The following NMT2 variants were observed in gnomAD, a reference collection of about 807,000 sequenced individuals.
The protein encoded by NMT2 is N-myristoyltransferase 2, also known as glycylpeptide N-tetradecanoyltransferase 2.
In NMT2, 35 loss-of-function variants were observed where a neutral mutation model predicts 65.4. The ratio of observed to expected loss-of-function variants is 0.54; its 90% CI spans 0.41 to 0.71. The LOEUF is 0.71. Ranked by LOEUF, NMT2 falls within the 30% of genes least tolerant of loss-of-function variation. NMT2 has a pLI of 0.00. For missense variants in NMT2, 489 were observed against 611.3 expected (o/e 0.80, Z 2.11); for synonymous variants, 226 against 231.8 (o/e 0.98, Z 0.23).
At chr10:15,157,886 A>T (rs764704650) in intron 1 of NMT2, among the ~76,000 whole-genome samples, 1 of 152,218 alleles carries the variant, frequency 6.6e-6, no homozygotes, top group Non-Finnish European at 1.5e-5. Flanking sequence ...AAGAGACTGT[A>T]GTTTAGTGAA....
chr10:15,133,125 A>T lies in NMT2; in HGVS notation c.530T>A (p.Leu177Ter), dbSNP rs1846343191. 3.7e-6 allele frequency: 6 copies of T among 1,613,666 alleles called. No individual in the cohort carries two copies. Among genetic ancestry groups the T allele is most frequent in the Non-Finnish European group, 5.1e-6 (6 of 1,179,524 alleles). ...DAEVLKELYT[L>*]LNENYVEDDD... ...ATCTTCTACGTAATTCTCATTTAAC[A>T]ACGTGTATAACTCCTTGAGCTATAA... The change falls in exon 5 of 12, where the codon TTG becomes TAG. Residue 177 changes from leucine to a stop codon, truncating the protein, a stop_gained. Coordinates refer to ENST00000378165, the MANE Select transcript of NMT2 (RefSeq NM_004808.3). LOFTEE classifies it high-confidence loss of function.
Position 15,106,012 on chromosome 10 carries a change from C to A in NMT2, c.*3183G>T. Reference sequence around the variant, plus strand: ...ATGCTGCAGTTATTTATTTTACTTTCGAGATAGAGTCTCACTCTGTTGCCC... The same window carrying A: ...ATGCTGCAGTTATTTATTTTACTTTAGAGATAGAGTCTCACTCTGTTGCCC... On this transcript the variant is annotated 3_prime_UTR_variant, in exon 12 of 12. Coordinates refer to ENST00000378165, the MANE Select transcript of NMT2 (RefSeq NM_004808.3). The A allele has an allele frequency of 2.4e-6, 1 of 417,646 alleles. No individual in the cohort carries two copies. Among genetic ancestry groups the A allele is most frequent in the South Asian group, 1.7e-5 (1 of 59,912 alleles). 25.9% of individuals were successfully genotyped at this position (417,646 alleles called of 1,614,324 possible). A position where few individuals can be genotyped will look rare whatever the true frequency, so the allele number is the denominator to read the frequency against.
intron 10 of NMT2, among the ~76,000 whole-genome samples, chr10:15,110,631 G>T (rs977200862): frequency 7.9e-6 from 1 of 127,226 alleles, no homozygotes; most frequent in South Asian, 2.2e-4. Flanking sequence ...GTGAGCGCCT[G>T]TCTCAAAAAA....
At chr10:15,115,831 TAGAA>T (rs1481950223) in intron 9 of NMT2, among the ~76,000 whole-genome samples, 3 of 152,168 alleles carry the variant, frequency 2.0e-5, no homozygotes, top group Admixed American at 2.0e-4. Context: ...GGAAAATTAT[TAGAA>T]AGAGAGGTAT....
At chr10:15,149,122 TCAC>T (rs1300523118) in intron 1 of NMT2, among the ~76,000 whole-genome samples, 2 of 150,784 alleles carry the variant, frequency 1.3e-5, no homozygotes, top group Non-Finnish European at 3.0e-5. Flanking sequence ...ATTATCATCA[TCAC>T]CACCATCGCC....
intron 11 of NMT2, 71 bp from the exon 12 acceptor site, chr10:15,109,286 T>C: frequency 6.4e-7 from 1 of 1,566,326 alleles, no homozygotes; most frequent in Non-Finnish European, 8.6e-7. Context: ...TCTGTCTTTC[T>C]AAAAGCTGTC....
intron 9 of NMT2, among the ~76,000 whole-genome samples, chr10:15,114,621 T>G (rs1564559727): frequency 6.6e-6 from 1 of 152,142 alleles, no homozygotes; most frequent in Non-Finnish European, 1.5e-5. Flanking sequence ...CATTCTAACT[T>G]TGGTATCAAG....
intron 1 of NMT2, among the ~76,000 whole-genome samples, chr10:15,147,688 C>G (rs1011082187): frequency 6.6e-6 from 1 of 151,352 alleles, no homozygotes; most frequent in Non-Finnish European, 1.5e-5. Flanking sequence ...GAAAACAAAA[C>G]CTTAAAAGTG....
Position 15,130,324 on chromosome 10 carries a change from A to G in NMT2, c.720-12T>C. The G allele has an allele frequency of 1.4e-5, 22 of 1,534,618 alleles. No homozygotes were observed. The highest frequency in any genetic ancestry group is 1.9e-5 in the Non-Finnish European group (22 of 1,136,046). ...CCATCTTCTTCACACTAAGAAATAA[A>G]GATGGTGAAGATTAAGAGTCAAAAC... On this transcript the variant is annotated splice_polypyrimidine_tract_variant and intron_variant, in intron 6 of 11. Transcript: ENST00000378165.
chr10:15,164,786 C>T (rs1444273666), intron 1 of NMT2, among the ~76,000 whole-genome samples: 2 of 152,144 alleles, frequency 1.3e-5, no homozygotes, highest in African/African-American at 4.8e-5. Context: ...AATCCCAGCA[C>T]TTTGGGAGGC....
intron 6 of NMT2, among the ~76,000 whole-genome samples, chr10:15,130,786 CT>C (rs765987022): frequency 0.033 from 3,321 of 101,204 alleles, 24 homozygotes; most frequent in African/African-American, 0.076. Flanking sequence ...TTCTTTCTTT[CT>C]TTTTTTTTTT....
chr10:15,139,182 C>A (rs906600736), intron 2 of NMT2, among the ~76,000 whole-genome samples: 2 of 152,166 alleles, frequency 1.3e-5, no homozygotes, highest in Non-Finnish European at 2.9e-5. Flanking sequence ...GCTCTCCTTG[C>A]TCCTCAGACT....
chr10:15,168,651 G>T lies in NMT2; in HGVS notation c.-39C>A. 1 of 1,492,886 alleles carries T rather than the reference G, an allele frequency of 6.7e-7. No individual in the cohort carries two copies. The highest frequency in any genetic ancestry group is 9.0e-7 in the Non-Finnish European group (1 of 1,106,962). The allele number at this position is 1,492,886 out of a possible 1,614,324, so 92.5% of individuals were successfully genotyped here. A position where few individuals can be genotyped will look rare whatever the true frequency, so the allele number is the denominator to read the frequency against. On this transcript the variant is annotated 5_prime_UTR_variant, in exon 1 of 12. Transcript: ENST00000378165. ...GCTGGGGAGGCGGTGCTCGGGGCCG[G>T]GCCGGAGCGGCCGCAGCTCCCTCTA... is the stretch of plus-strand genomic sequence containing the variant.
rs201561074 is a variant in NMT2 at position 15,139,863 on chromosome 10, C to CTATATATA, written c.246+1551_246+1558dup. The CTATATATA allele has an allele frequency of 2.4e-3, 164 of 69,566 alleles. 3 individuals carry two copies. The highest frequency in any genetic ancestry group is 4.6e-3 in the South Asian group (6 of 1,292). The allele number at this position is 69,566 out of a possible 1,614,324, so 4.3% of individuals were successfully genotyped here. A position where few individuals can be genotyped will look rare whatever the true frequency, so the allele number is the denominator to read the frequency against. Reference sequence around the variant, plus strand: ...AAAGCTTGTAGAATGGTAACAACTACTATATATATATATATATATATATAT... The same window carrying CTATATATA: ...AAAGCTTGTAGAATGGTAACAACTACTATATATATATATATATATATATATATATATAT... On this transcript the variant is annotated intron_variant, in intron 2 of 11. Transcript: ENST00000378165.
chr10:15,140,913 T>C, intron 2 of NMT2: 1 of 1,343,018 alleles, frequency 7.4e-7, no homozygotes, highest in Non-Finnish European at 1.0e-6. Flanking sequence ...TCAGGAACTA[T>C]TTCCCACCCT....
intron 2 of NMT2, among the ~76,000 whole-genome samples, chr10:15,137,864 A>G (rs1260826789): frequency 6.6e-6 from 1 of 152,190 alleles, no homozygotes. Context: ...GACCAACTCC[A>G]TGAAGAAGAC....
In NMT2 at chr10:15,109,793, G is replaced by A. The variant is rs755315074; in HGVS notation, c.1385C>T (p.Thr462Ile). ...ACCAAACTTGAGTTTTTCCAAGAAT[G>A]TCTTATTTTCCATCAAATCCAGTGC... ...FNALDLMENK[T>I]FLEKLKFGIG... The change falls in exon 11 of 12, where the codon ACA becomes ATA. Residue 462 changes from threonine (T) to isoleucine (I), a missense_variant. Physicochemically the swap from Thr to Ile is moderately conservative, Grantham distance 89. Coordinates refer to ENST00000378165, the MANE Select transcript of NMT2 (RefSeq NM_004808.3). The A allele has an allele frequency of 1.9e-6, 3 of 1,613,140 alleles. No individual in the cohort carries two copies. The highest frequency in any genetic ancestry group is 1.7e-4 in the Middle Eastern group (1 of 6,044).
chr10:15,137,940 T>C (rs892390545), intron 2 of NMT2, among the ~76,000 whole-genome samples: 1 of 151,958 alleles, frequency 6.6e-6, no homozygotes, highest in East Asian at 1.9e-4. Context: ...ACATGAAATG[T>C]CCCTTTGCGA....
chr10:15,154,936 C>T (rs769557892), intron 1 of NMT2: 17 of 1,033,802 alleles, frequency 1.6e-5, no homozygotes, highest in Middle Eastern at 2.1e-4. Context: ...TCCAACCACT[C>T]GGTCTTGGCA....
Sources: gnomAD v4.1 joint callset for allele counts (sites outside exome capture counted in the v4.1 genomes callset) on GRCh38, gnomAD v4.1.1 for gene constraint, MANE v1.5 for transcripts, NCBI Gene and HGNC (gene_info 2026-07-23, HGNC 2026-07-21) for gene names.